Variants in ICA1 observed in about 807,000 individuals in gnomAD.
The protein encoded by ICA1 is islet cell autoantigen 1.
A neutral mutation model predicts 71.0 loss-of-function variants in ICA1; 40 were observed. The ratio of observed to expected loss-of-function variants is 0.56; its 90% CI spans 0.44 to 0.73. The LOEUF is 0.73. Among genes scored for constraint, ICA1 ranks in the 30% least tolerant of loss-of-function variants. The pLI, the probability that ICA1 is intolerant of heterozygous loss-of-function variation, is 0.00. For missense variants in ICA1, 578 were observed against 576.5 expected, an observed-to-expected ratio of 1.00 and a Z score of -0.03; for synonymous variants, 207 against 209.5, an observed-to-expected ratio of 0.99 and a Z score of 0.10.
intron 10 of ICA1, among the ~76,000 whole-genome samples, chr7:8,140,573 G>C (rs1427052899): frequency 6.6e-6 from 1 of 152,204 alleles, no homozygotes; most frequent in African/African-American, 2.4e-5. Context: ...CCATCTGCTT[G>C]CCCTTTTGAC....
intron 10 of ICA1, among the ~76,000 whole-genome samples, chr7:8,141,228 C>T (rs1164893634): frequency 3.3e-5 from 5 of 152,224 alleles, no homozygotes; most frequent in African/African-American, 1.2e-4. Flanking sequence ...TCTCCCAACG[C>T]TCTGACCCCT....
chr7:8,114,238 G>A (rs1784066791), intron 13 of ICA1, 194 bp from the exon 14 acceptor site: 1 of 585,030 alleles, frequency 1.7e-6, no homozygotes, highest in East Asian at 3.0e-5. Context: ...TCCAAACCAG[G>A]GCCTGAAGCT....
rs183087215 is a variant in ICA1, at chr7:8,213,406, T to A, written c.579+4899A>T. Among the ~76,000 whole-genome samples the A allele has an allele frequency of 9.7e-4, 148 of 152,248 alleles. 1 individual carries two copies. The highest frequency in any genetic ancestry group is 3.4e-3 in the African/African-American group (141 of 41,542). On this transcript the variant is annotated intron_variant, in intron 6 of 13. Coordinates refer to ENST00000402384, the MANE Select transcript of ICA1 (RefSeq NM_001136020.3). ...ATGTTCCCCATTCACTCAACACAAC[T>A]CACTGGCATAGGGGGAGGTGTCCCA... is the stretch of plus-strand genomic sequence containing the variant.
At position 8,225,826 on chromosome 7, in the gene ICA1, C is replaced by A. The variant is rs1798428146; in HGVS notation, c.256+2775G>T. On this transcript the variant is annotated intron_variant, in intron 4 of 13. Transcript: ENST00000402384. ...AAAGTACAGAGTGAGAAACCTGGCT[C>A]TCATCATCTGCAATATCTTATCTAT... Among the ~76,000 whole-genome samples the A allele has an allele frequency of 3.3e-5, 5 of 152,312 alleles. 1 individual carries two copies. Among genetic ancestry groups the A allele is most frequent in the Admixed American group, 3.3e-4 (5 of 15,288 alleles).
At chr7:8,202,868 C>CCACA (rs1554337293) in intron 6 of ICA1, among the ~76,000 whole-genome samples, 2 of 151,536 alleles carry the variant, frequency 1.3e-5, no homozygotes, top group African/African-American at 2.4e-5. Context: ...AATAGACACA[C>CCACA]CGCACGAATG....
intron 12 of ICA1, among the ~76,000 whole-genome samples, chr7:8,129,568 ACTGT>A (rs1790652570): frequency 6.6e-6 from 1 of 152,180 alleles, no homozygotes; most frequent in Non-Finnish European, 1.5e-5. Context: ...TAGTCGGACA[ACTGT>A]CTAATGTAAG....
chr7:8,242,741 C>A (rs147885375), intron 1 of ICA1, among the ~76,000 whole-genome samples: 1,976 of 152,110 alleles, frequency 0.013, 18 homozygotes, highest in Middle Eastern at 0.024. Flanking sequence ...ATATCACCAC[C>A]GATCCCACAG....
intron 6 of ICA1, among the ~76,000 whole-genome samples, chr7:8,174,771 A>AAAAAAAAAAAAAAAAAAAACC (rs1554310916): frequency 9.4e-6 from 1 of 106,038 alleles, no homozygotes; most frequent in African/African-American, 3.1e-5. Context: ...AAAAAAAAAA[A>AAAAAAAAAAAAAAAAAAAACC]AAAAAAAACA....
At chr7:8,201,218 C>T (rs1789552541) in intron 6 of ICA1, among the ~76,000 whole-genome samples, 1 of 152,206 alleles carries the variant, frequency 6.6e-6, no homozygotes, top group Admixed American at 6.5e-5. Flanking sequence ...GAAAGTTGTA[C>T]TCTCCAGCTT....
intron 6 of ICA1, among the ~76,000 whole-genome samples, chr7:8,174,755 C>CAAA (rs1218712832): frequency 1.2e-5 from 1 of 83,462 alleles, no homozygotes; most frequent in African/African-American, 4.9e-5. Context: ...GACTGTATCT[C>CAAA]AAAAAAAAAA....
rs1171719135 is a variant in ICA1 at position 8,144,358 on chromosome 7, G to C, written c.805-386C>G. Among the ~76,000 whole-genome samples the C allele has an allele frequency of 6.6e-6, 1 of 152,198 alleles. No homozygotes were observed. The highest frequency in any genetic ancestry group is 1.9e-4 in the East Asian group (1 of 5,204). On this transcript the variant is annotated intron_variant, in intron 8 of 13. Coordinates refer to ENST00000402384, the MANE Select transcript of ICA1 (RefSeq NM_001136020.3). The surrounding 1 kb of genome is among the most constrained non-coding windows in gnomAD (Gnocchi z 4.5). ...TGTTCGCAGCCCACACACTGACAAAGTAGAAGTTCCTCCCACCTCCACCAG... is the reference window on the plus strand; with the variant it reads ...TGTTCGCAGCCCACACACTGACAAACTAGAAGTTCCTCCCACCTCCACCAG...
chr7:8,230,057 T>C lies in ICA1; in HGVS notation c.184-1384A>G, dbSNP rs562531488. ...TCAGTTCTGTGAGTTATGACAATTA[T>C]ATATACTAACATAATCATGCCCAAG... On this transcript the variant is annotated intron_variant, in intron 3 of 13. Transcript: ENST00000402384. Among the ~76,000 whole-genome samples, 8 of 152,340 alleles carry C rather than the reference T, an allele frequency of 5.3e-5. 1 individual carries two copies. The East Asian group carries it at 9.6e-4, about 18-fold the overall frequency.
At chr7:8,152,521 C>T (rs1380100380) in intron 8 of ICA1, among the ~76,000 whole-genome samples, 1 of 148,486 alleles carries the variant, frequency 6.7e-6, no homozygotes, top group East Asian at 2.0e-4. Context: ...CTACCACTCA[C>T]CTCTTTCACT....
intron 6 of ICA1, among the ~76,000 whole-genome samples, chr7:8,211,158 T>C (rs1793656146): frequency 2.0e-5 from 3 of 152,146 alleles, no homozygotes; most frequent in African/African-American, 7.2e-5. Context: ...GAGGCCAACC[T>C]CCCAGAGAAC....
intron 6 of ICA1, among the ~76,000 whole-genome samples, chr7:8,212,877 A>G (rs1583308999): frequency 1.3e-5 from 2 of 152,346 alleles, no homozygotes; most frequent in South Asian, 4.1e-4. Context: ...ACCAAGTTCC[A>G]TGGGGAAAAT....
chr7:8,129,438 A>G (rs116047774), intron 12 of ICA1, among the ~76,000 whole-genome samples: 2,269 of 152,188 alleles, frequency 0.015, 36 homozygotes, highest in African/African-American at 0.05. Flanking sequence ...ACTTTACATA[A>G]AGATCTAAAG....
chr7:8,181,271 C>T (rs999471012), intron 6 of ICA1, among the ~76,000 whole-genome samples: 1 of 152,134 alleles, frequency 6.6e-6, no homozygotes, highest in African/African-American at 2.4e-5. Context: ...ATGCTGTTAA[C>T]ATAAATCAAG....
At chr7:8,151,250 G>A (rs556693892) in intron 8 of ICA1, among the ~76,000 whole-genome samples, 2 of 152,196 alleles carry the variant, frequency 1.3e-5, no homozygotes, top group African/African-American at 2.4e-5. Flanking sequence ...TGAGAGAGGT[G>A]GGGGATGGAG....
At chr7:8,194,026 C>A (rs190316025) in intron 6 of ICA1, among the ~76,000 whole-genome samples, 1 of 152,272 alleles carries the variant, frequency 6.6e-6, no homozygotes, top group Admixed American at 6.5e-5. Context: ...CCATATGTGG[C>A]CAATTAAAAT....
Sources: allele counts gnomAD v4.1 joint callset (sites outside exome capture counted in the v4.1 genomes callset), GRCh38; gene constraint gnomAD v4.1.1; non-coding constraint Gnocchi (gnomAD v3.1); transcripts MANE v1.5; gene names NCBI Gene and HGNC (gene_info 2026-07-23, HGNC 2026-07-21).